SGK1: variants seen among roughly 807,000 people sequenced by gnomAD.
SGK1 encodes serum/glucocorticoid regulated kinase 1, also known as serine/threonine-protein kinase Sgk1.
In SGK1, 26 loss-of-function variants were observed where a neutral mutation model predicts 64.2. That is an observed-to-expected ratio of 0.40 (90% CI 0.30 to 0.56). The LOEUF (loss-of-function observed/expected upper bound fraction) is 0.56. Ranked by LOEUF, SGK1 falls within the 20% of genes least tolerant of loss-of-function variation. The pLI, the probability that SGK1 is intolerant of heterozygous loss-of-function variation, is 0.38. For missense variants in SGK1, 519 were observed against 645.6 expected (o/e 0.80, Z 2.12); for synonymous variants, 265 against 239.7 (o/e 1.11, Z -0.98).
At chr6:134,298,816 T>TTTATTTATTTAC in intron 1 of SGK1, 1 of 263,420 alleles carries the variant, frequency 3.8e-6, no homozygotes, top group Non-Finnish European at 6.8e-6. Context: ...TATTTATTTA[T>TTTATTTATTTAC]TTGAGATGGA....
chr6:134,286,326 T>A (rs1390188671), intron 1 of SGK1, among the ~76,000 whole-genome samples: 1 of 152,114 alleles, frequency 6.6e-6, no homozygotes, highest in Admixed American at 6.5e-5. Context: ...GGCATGGTGG[T>A]GCACACCTGT....
rs778464883 is a variant in SGK1, at chr6:134,207,450, A to T, written c.286-19T>A. 6.4e-7 allele frequency: 1 copy of T among 1,563,174 alleles called. No homozygotes were observed. The highest frequency in any genetic ancestry group is 1.1e-5 in the South Asian group (1 of 89,080). On this transcript the variant is annotated intron_variant, in intron 2 of 13. Coordinates refer to ENST00000367858, the MANE Select transcript of SGK1 (RefSeq NM_001143676.3). ...CTCTCACCTTTAAAACATAAAGAGA[A>T]AAGAAGTGATATAAAAATGGCTTCA...
At chr6:134,273,481 T>C (rs1463679090) in intron 1 of SGK1, among the ~76,000 whole-genome samples, 1 of 146,340 alleles carries the variant, frequency 6.8e-6, no homozygotes, top group Non-Finnish European at 1.5e-5. Context: ...TAGTCCCAGC[T>C]ACTTGGGAGG....
intron 2 of SGK1, among the ~76,000 whole-genome samples, chr6:134,212,198 C>T (rs1775903337): frequency 1.3e-5 from 2 of 151,842 alleles, no homozygotes; most frequent in Admixed American, 6.6e-5. Flanking sequence ...GGACTACAGG[C>T]GCCTGCCACC....
intron 2 of SGK1, among the ~76,000 whole-genome samples, chr6:134,223,095 G>A (rs571460811): frequency 7.2e-5 from 11 of 152,286 alleles, no homozygotes; most frequent in Non-Finnish European, 1.3e-4. Context: ...AGAGCCGGGC[G>A]CAGTGGCTCA....
intron 2 of SGK1, among the ~76,000 whole-genome samples, chr6:134,227,090 C>A (rs1391687682): frequency 6.6e-6 from 1 of 152,170 alleles, no homozygotes; most frequent in Non-Finnish European, 1.5e-5. Context: ...GAGTTAGCCT[C>A]CATGGCTGGT....
intron 3 of SGK1, among the ~76,000 whole-genome samples, chr6:134,192,891 C>G (rs1239360609): frequency 6.6e-6 from 1 of 152,162 alleles, no homozygotes; most frequent in Non-Finnish European, 1.5e-5. Flanking sequence ...TATTTCCTAC[C>G]CTTCACCTGC....
chr6:134,171,655 A>G lies in SGK1; in HGVS notation c.1149T>C (p.Tyr383=), dbSNP rs1377148275. Residue 383 remains tyrosine (Y), a synonymous_variant, in exon 11 of 14, where the codon TAT becomes TAC. Transcript: ENST00000367858. ...CACTCACCAGGCCATACAGCATCTC[A>G]TACAAGACAGCTCCCAGGCACCACC... The part of the protein sequence containing the change: ...VDWWCLGAVL[Y]EMLYGLPPFY... 1 of 1,609,562 alleles carries G rather than the reference A, an allele frequency of 6.2e-7. No individual in the cohort carries two copies. Among genetic ancestry groups the G allele is most frequent in the Non-Finnish European group, 8.5e-7 (1 of 1,175,986 alleles).
intron 3 of SGK1, among the ~76,000 whole-genome samples, chr6:134,181,998 C>T (rs1182023650): frequency 6.6e-6 from 1 of 152,096 alleles, no homozygotes; most frequent in Non-Finnish European, 1.5e-5. Flanking sequence ...GCTGGGATTA[C>T]AGGCACCTGC....
intron 2 of SGK1, among the ~76,000 whole-genome samples, chr6:134,232,080 T>G (rs949725860): frequency 2.0e-5 from 3 of 150,228 alleles, no homozygotes; most frequent in Non-Finnish European, 4.4e-5. Context: ...TTACCTATAT[T>G]AAGTTAAATA....
intron 3 of SGK1, chr6:134,177,589 T>A: frequency 8.7e-7 from 1 of 1,154,956 alleles, no homozygotes; most frequent in East Asian, 2.4e-5. Flanking sequence ...CACCCCACCT[T>A]ATGTGCCTTC....
At chr6:134,300,406 C>T (rs1243068235) in intron 1 of SGK1, among the ~76,000 whole-genome samples, 2 of 151,198 alleles carry the variant, frequency 1.3e-5, no homozygotes, top group Non-Finnish European at 3.0e-5. Context: ...AGGCGTGTGG[C>T]GGGCGCCTGT....
Position 134,204,945 on chromosome 6 carries a change from C to A in SGK1, c.361+2411G>T, listed in dbSNP as rs1409451701. On this transcript the variant is annotated intron_variant, in intron 3 of 13. Transcript: ENST00000367858. ...CTTTCTTCCTTCCTTCCTTCCCTCC[C>A]TCCCTCCTTTTCTTTCTTTCTTTCT... is the stretch of plus-strand genomic sequence containing the variant. Among the ~76,000 whole-genome samples, 3 of 151,908 alleles carry A rather than the reference C, an allele frequency of 2.0e-5. No individual in the cohort carries two copies. In the East Asian group the frequency reaches 5.8e-4, roughly 29 times the overall value.
chr6:134,299,465 T>G (rs1486269138), intron 1 of SGK1, among the ~76,000 whole-genome samples: 1 of 152,014 alleles, frequency 6.6e-6, no homozygotes, highest in East Asian at 1.9e-4. Flanking sequence ...TTTAGCTAAG[T>G]GTGGAGTAAG....
At chr6:134,218,715 T>C (rs1371096882) in intron 2 of SGK1, 1 of 151,942 alleles carries the variant, frequency 6.6e-6, no homozygotes, top group Non-Finnish European at 1.5e-5. Flanking sequence ...CTCTTACAGG[T>C]GTGAGCCACT....
intron 3 of SGK1, among the ~76,000 whole-genome samples, chr6:134,206,383 A>ATTT (rs869072819): frequency 0.021 from 345 of 16,326 alleles, 10 homozygotes; most frequent in South Asian, 0.047. Context: ...ATATATATAT[A>ATTT]TTTTTTTTTT....
chr6:134,295,188 G>T (rs1017789304), intron 1 of SGK1, among the ~76,000 whole-genome samples: 4 of 152,144 alleles, frequency 2.6e-5, no homozygotes, highest in Non-Finnish European at 5.9e-5. Flanking sequence ...GTGCAGTTGG[G>T]GAAGAGTAAG....
intron 2 of SGK1, among the ~76,000 whole-genome samples, chr6:134,257,430 C>CA (rs1405679682): frequency 6.6e-6 from 1 of 152,084 alleles, no homozygotes; most frequent in Non-Finnish European, 1.5e-5. Context: ...CAAAACAAAA[C>CA]AAAAAACCCA....
chr6:134,297,072 C>T, intron 1 of SGK1: 2 of 478,076 alleles, frequency 4.2e-6, no homozygotes, highest in Non-Finnish European at 4.0e-6. Context: ...AACCACAGCC[C>T]TGGTGGAGCT....
Sources: gnomAD v4.1 joint callset for allele counts (sites outside exome capture counted in the v4.1 genomes callset) on GRCh38, gnomAD v4.1.1 for gene constraint, MANE v1.5 for transcripts, NCBI Gene and HGNC (gene_info 2026-07-23, HGNC 2026-07-21) for gene names.